Variants in CDH13 observed in about 807,000 individuals in gnomAD.
The protein encoded by CDH13 is cadherin 13, also known as cadherin-13.
In CDH13, 24 loss-of-function variants were observed where a neutral mutation model predicts 63.8. That is an observed-to-expected ratio of 0.38 (90% CI 0.27 to 0.53). CDH13 has a LOEUF of 0.53. Ranked by LOEUF, CDH13 falls within the 20% of genes least tolerant of loss-of-function variation. The pLI is 0.85. For missense variants in CDH13, 1,049 were observed against 903.1 expected, an observed-to-expected ratio of 1.16 and a Z score of -2.07; for synonymous variants, 503 against 355.3, an observed-to-expected ratio of 1.42 and a Z score of -4.67.
At chr16:83,711,095 G>A (rs971476566) in intron 10 of CDH13, among the ~76,000 whole-genome samples, 12 of 152,332 alleles carry the variant, frequency 7.9e-5, no homozygotes, top group African/African-American at 2.9e-4. Context: ...GGTGCCACTG[G>A]ACAGTAGCCT....
intron 1 of CDH13, among the ~76,000 whole-genome samples, chr16:82,751,329 T>C (rs149758369): frequency 1.3e-3 from 205 of 152,278 alleles, no homozygotes; most frequent in African/African-American, 4.6e-3. Context: ...TTGTGTTTTG[T>C]AAATGAAGCC....
chr16:83,462,115 G>A (rs1317464995), intron 6 of CDH13, among the ~76,000 whole-genome samples: 1 of 152,354 alleles, frequency 6.6e-6, no homozygotes, highest in Non-Finnish European at 1.5e-5. Flanking sequence ...GAAACATGGG[G>A]CAGTGCATGA....
chr16:83,765,613 C>G (rs1277433345), intron 11 of CDH13, among the ~76,000 whole-genome samples: 1 of 151,904 alleles, frequency 6.6e-6, no homozygotes, highest in Non-Finnish European at 1.5e-5. Flanking sequence ...GGCAAGATCT[C>G]TATTAGCAAA....
At chr16:83,181,169 G>A (rs1025614358) in intron 4 of CDH13, 2 of 632,064 alleles carry the variant, frequency 3.2e-6, no homozygotes, top group Admixed American at 6.8e-5. Context: ...TCTACTGAAG[G>A]CTTTGCAGCC....
At chr16:83,010,980 T>C (rs142009664) in intron 2 of CDH13, among the ~76,000 whole-genome samples, 9 of 152,334 alleles carry the variant, frequency 5.9e-5, no homozygotes, top group African/African-American at 1.9e-4. Flanking sequence ...ACACTTCTAA[T>C]GCGTAGAACA....
At chr16:83,135,566 T>A (rs1323559604) in intron 4 of CDH13, among the ~76,000 whole-genome samples, 2 of 152,138 alleles carry the variant, frequency 1.3e-5, no homozygotes, top group African/African-American at 4.8e-5. Flanking sequence ...TCTGGATGGA[T>A]TTTAAAATAG....
intron 11 of CDH13, among the ~76,000 whole-genome samples, chr16:83,750,753 G>A (rs1345424079): frequency 6.6e-6 from 1 of 152,140 alleles, no homozygotes; most frequent in Non-Finnish European, 1.5e-5. Context: ...TGGGAGGAGA[G>A]CCTTCCTCAC....
chr16:83,376,285 T>C (rs2091458157), intron 6 of CDH13, among the ~76,000 whole-genome samples: 1 of 152,152 alleles, frequency 6.6e-6, no homozygotes, highest in African/African-American at 2.4e-5. Flanking sequence ...AGTCTCTGTA[T>C]GCACAGATGT....
chr16:83,403,187 T>A (rs1232359491), intron 6 of CDH13, among the ~76,000 whole-genome samples: 1 of 152,120 alleles, frequency 6.6e-6, no homozygotes, highest in Non-Finnish European at 1.5e-5. Context: ...TATATGAGGT[T>A]AGTGTTTTGG....
chr16:83,494,708 A>T (rs1164149597), intron 7 of CDH13, among the ~76,000 whole-genome samples: 1 of 152,254 alleles, frequency 6.6e-6, no homozygotes. Context: ...AAGCTGCAAC[A>T]CTTAGATTAA....
At chr16:82,969,428 A>G (rs903128710) in intron 2 of CDH13, among the ~76,000 whole-genome samples, 14 of 151,186 alleles carry the variant, frequency 9.3e-5, no homozygotes, top group African/African-American at 3.2e-4. Context: ...TATTAGCTGA[A>G]TACCTGCCTT....
At chr16:83,435,362 T>C (rs540014041) in intron 6 of CDH13, among the ~76,000 whole-genome samples, 2 of 152,236 alleles carry the variant, frequency 1.3e-5, no homozygotes, top group South Asian at 4.2e-4. Context: ...GACATATTTT[T>C]AACGGTGTAG....
chr16:83,174,068 C>T (rs2038027245), intron 4 of CDH13, among the ~76,000 whole-genome samples: 1 of 146,166 alleles, frequency 6.8e-6, no homozygotes, highest in Non-Finnish European at 1.5e-5. Flanking sequence ...AGATAAAACC[C>T]AAATCTGATG....
At chr16:82,713,436 G>A (rs371367514) in intron 1 of CDH13, among the ~76,000 whole-genome samples, 10 of 152,176 alleles carry the variant, frequency 6.6e-5, no homozygotes, top group African/African-American at 2.2e-4. Flanking sequence ...TGGAGTATGC[G>A]TCCCCCTGAA....
chr16:83,347,137 A>G lies in CDH13; in HGVS notation c.781+2131A>G, dbSNP rs555321917. 4.6e-4 allele frequency among the ~76,000 whole-genome samples: 70 copies of G among 152,360 alleles called. 2 individuals are homozygous for G. In the South Asian group the frequency reaches 5.2e-3, roughly 11 times the overall value. On this transcript the variant is annotated intron_variant, in intron 6 of 13. Transcript: ENST00000567109. Reference sequence around the variant, plus strand: ...TTGCAGGCAAGATGGCCCCCGAAGCATTCATGAGGCCAGTGGGAATCTGAT... The same window carrying G: ...TTGCAGGCAAGATGGCCCCCGAAGCGTTCATGAGGCCAGTGGGAATCTGAT...
intron 7 of CDH13, among the ~76,000 whole-genome samples, chr16:83,534,021 T>G (rs968087472): frequency 6.6e-6 from 1 of 152,176 alleles, no homozygotes; most frequent in Non-Finnish European, 1.5e-5. Flanking sequence ...AGTGAACAAT[T>G]CAGTGCCATT....
intron 2 of CDH13, among the ~76,000 whole-genome samples, chr16:83,006,739 G>A (rs1042188088): frequency 1.3e-5 from 2 of 152,130 alleles, no homozygotes; most frequent in Non-Finnish European, 2.9e-5. Flanking sequence ...TTTCAAAATT[G>A]TGGCAACTTT....
chr16:83,739,737 G>T (rs1911885551), intron 10 of CDH13, among the ~76,000 whole-genome samples: 1 of 152,058 alleles, frequency 6.6e-6, no homozygotes, highest in Admixed American at 6.6e-5. Flanking sequence ...TAGAATTCTG[G>T]GTCACCCAGC....
chr16:82,867,678 G>C (rs560465700), intron 2 of CDH13, among the ~76,000 whole-genome samples: 1 of 152,236 alleles, frequency 6.6e-6, no homozygotes, highest in South Asian at 2.1e-4. Context: ...AATCAAGCAA[G>C]GAACTTGAAA....
Sources: allele counts gnomAD v4.1 joint callset (sites outside exome capture counted in the v4.1 genomes callset), GRCh38; gene constraint gnomAD v4.1.1; transcripts MANE v1.5; gene names NCBI Gene and HGNC (gene_info 2026-07-23, HGNC 2026-07-21).